NUGGC: variants seen among roughly 807,000 people sequenced by gnomAD.
NUGGC encodes the protein nuclear GTPase, germinal center associated.
A neutral mutation model predicts 92.6 loss-of-function variants in NUGGC; 58 were observed. The observed-to-expected ratio is 0.63, with a 90% CI of 0.51 to 0.78. The LOEUF (loss-of-function observed/expected upper bound fraction) is 0.78. NUGGC is among the 30% of genes least tolerant of loss of function. NUGGC has a pLI of 0.00. For missense variants in NUGGC, 925 were observed against 964.6 expected (o/e 0.96, Z 0.54); for synonymous variants, 376 against 366.4 (o/e 1.03, Z -0.30).
chr8:28,030,103 C>A (rs1422693517), intron 16 of NUGGC, among the ~76,000 whole-genome samples: 1 of 152,058 alleles, frequency 6.6e-6, no homozygotes, highest in Non-Finnish European at 1.5e-5. Flanking sequence ...GGTGTCTGGA[C>A]CAAGGGTAGA....
intron 2 of NUGGC, among the ~76,000 whole-genome samples, chr8:28,072,860 G>C (rs1235901974): frequency 1.3e-5 from 2 of 151,990 alleles, no homozygotes; most frequent in Non-Finnish European, 2.9e-5. Context: ...TCTCCACCGA[G>C]AAACCAGCTG....
At chr8:28,057,330 C>CTTTTTTTTTTTTTTTTTTT (rs57167648) in intron 9 of NUGGC, among the ~76,000 whole-genome samples, 5 of 124,016 alleles carry the variant, frequency 4.0e-5, no homozygotes, top group Non-Finnish European at 4.9e-5. Flanking sequence ...ATTTTCTTTC[C>CTTTTTTTTTTTTTTTTTTT]TTTTTTTTTT....
intron 8 of NUGGC, among the ~76,000 whole-genome samples, chr8:28,058,867 CA>C (rs1262725754): frequency 6.6e-5 from 10 of 151,892 alleles, no homozygotes; most frequent in African/African-American, 2.4e-4. Flanking sequence ...CACGCCCGGC[CA>C]ATTTATTTTG....
intron 1 of NUGGC, among the ~76,000 whole-genome samples, chr8:28,074,834 G>A (rs34985831): frequency 0.17 from 26,152 of 152,122 alleles, 2,401 homozygotes; most frequent in African/African-American, 0.22. Flanking sequence ...AGCTACTGGG[G>A]AGGCTGAGGC....
Position 28,027,002 on chromosome 8 carries a change from A to C in NUGGC, c.2205T>G (p.Leu735=), listed in dbSNP as rs368098648. The C allele has an allele frequency of 6.2e-6, 10 of 1,613,792 alleles. No homozygotes were observed. The highest frequency in any genetic ancestry group is 2.7e-5 in the African/African-American group (2 of 74,922). The change falls in exon 18 of 19, where the codon CTT becomes CTG. Residue 735 remains leucine, a synonymous_variant. Transcript: ENST00000413272. The part of the protein sequence containing the change: ...VKGSITTMLA[L]ASSQGDGLYK... Reference sequence around the variant, plus strand: ...AGAGGCCATCCCCCTGGGACGAAGCAAGGGCCAGCATAGTGGTGATGCTGC... The same window carrying C: ...AGAGGCCATCCCCCTGGGACGAAGCCAGGGCCAGCATAGTGGTGATGCTGC...
chr8:28,081,631 C>T (rs760407644), intron 1 of NUGGC, among the ~76,000 whole-genome samples: 5 of 152,130 alleles, frequency 3.3e-5, no homozygotes, highest in African/African-American at 4.8e-5. Flanking sequence ...GTAATCCCAA[C>T]ATTTTGGGAG....
At chr8:28,060,711 C>G (rs890076937) in intron 7 of NUGGC, 110 bp from the exon 8 acceptor site, 6 of 826,558 alleles carry the variant, frequency 7.3e-6, no homozygotes, top group Non-Finnish European at 9.3e-6. Context: ...CACCCCTCAC[C>G]GCTCCCCACC....
At chr8:28,079,613 G>T (rs1396463138) in intron 1 of NUGGC, among the ~76,000 whole-genome samples, 1 of 152,182 alleles carries the variant, frequency 6.6e-6, no homozygotes, top group Non-Finnish European at 1.5e-5. Flanking sequence ...CTTGTCCAAG[G>T]TCACATAGTA....
At chr8:28,024,803 C>T (rs1809215125) in intron 18 of NUGGC, among the ~76,000 whole-genome samples, 2 of 152,202 alleles carry the variant, frequency 1.3e-5, no homozygotes, top group South Asian at 4.1e-4. Context: ...ACCTTTGAGG[C>T]TTCCCCCAGG....
In NUGGC at chr8:28,068,235, AT is replaced by A; in HGVS notation, c.460del (p.Ile154SerfsTer13). Reference protein sequence around the residue: ...SGCCVQYEAKIHLLSDQEWRE... With the variant: ...SGCCVQYEAKXHLLSDQEWRE... ...ACTTACCTGGTCAGACAGAAGGTGG[AT>A]TTTGGCCTCATACTGCACACAGCAG... On this transcript the variant is annotated frameshift_variant, in exon 5 of 19. Transcript: ENST00000413272. LOFTEE classifies it high-confidence loss of function. The A allele has an allele frequency of 6.5e-7, 1 of 1,549,598 alleles. No individual in the cohort carries two copies. Among genetic ancestry groups the A allele is most frequent in the Non-Finnish European group, 8.7e-7 (1 of 1,146,312 alleles).
At chr8:28,050,823 A>AT (rs929537151) in intron 10 of NUGGC, among the ~76,000 whole-genome samples, 17 of 152,106 alleles carry the variant, frequency 1.1e-4, no homozygotes, top group African/African-American at 4.1e-4. Context: ...AAAAAAAAAA[A>AT]AATCATGACC....
rs760357646 is a variant in NUGGC at position 28,029,376 on chromosome 8, CT to C, written c.2043del (p.Ala682ArgfsTer5). On this transcript the variant is annotated frameshift_variant, in exon 17 of 19. Coordinates refer to ENST00000413272, the MANE Select transcript of NUGGC (RefSeq NM_001010906.2). LOFTEE classifies it high-confidence loss of function. ...YEEAAQITGKKACERMKDAIR... is the reference protein window; with the variant it reads ...YEEAAQITGKXACERMKDAIR... ...ATGGCATCTTTCATCCGCTCACACG[CT>C]TTTTTGCCCGTGATCTGAGCTGCCT... 9 of 1,612,558 alleles carry C rather than the reference CT, an allele frequency of 5.6e-6. No individual in the cohort carries two copies. In the South Asian group the frequency reaches 8.8e-5, roughly 16 times the overall value.
At chr8:28,054,477 G>C (rs1563223300) in intron 10 of NUGGC, among the ~76,000 whole-genome samples, 2 of 151,126 alleles carry the variant, frequency 1.3e-5, no homozygotes, top group Non-Finnish European at 2.9e-5. Flanking sequence ...GCGCAACTCT[G>C]TCTCAAAATA....
chr8:28,027,198 G>T, intron 17 of NUGGC, 146 bp from the exon 18 acceptor site: 2 of 653,234 alleles, frequency 3.1e-6, no homozygotes, highest in Non-Finnish European at 5.5e-6. Context: ...GTTGCAAAAC[G>T]GTGAAACATT....
At chr8:28,063,433 G>A (rs192984123) in intron 7 of NUGGC, among the ~76,000 whole-genome samples, 2 of 152,282 alleles carry the variant, frequency 1.3e-5, no homozygotes, top group African/African-American at 4.8e-5. Flanking sequence ...GCCAAGATTC[G>A]CGATTTCCAC....
At position 28,023,175 on chromosome 8, in the gene NUGGC, C is replaced by T. The variant is rs1290982887; in HGVS notation, c.*142G>A. Reference sequence around the variant, plus strand: ...ATCGCTTGAGCCTAGGAGTTCGAGGCTGCAGTGAGCTGTGATGGTGCCACT... The same window carrying T: ...ATCGCTTGAGCCTAGGAGTTCGAGGTTGCAGTGAGCTGTGATGGTGCCACT... On this transcript the variant is annotated 3_prime_UTR_variant, in exon 19 of 19. Coordinates refer to ENST00000413272, the MANE Select transcript of NUGGC (RefSeq NM_001010906.2). 4 of 865,442 alleles carry T rather than the reference C, an allele frequency of 4.6e-6. No individual in the cohort carries two copies. Among genetic ancestry groups the T allele is most frequent in the Middle Eastern group, 3.5e-4 (1 of 2,860 alleles). 53.6% of individuals were successfully genotyped at this position (865,442 alleles called of 1,614,324 possible).
chr8:28,039,938 G>C (rs1809650541), intron 13 of NUGGC, among the ~76,000 whole-genome samples: 2 of 152,170 alleles, frequency 1.3e-5, no homozygotes, highest in African/African-American at 4.8e-5. Context: ...GTGGGGCCCT[G>C]ATCTGACAGG....
chr8:28,023,666 C>T (rs1809176691), intron 18 of NUGGC, among the ~76,000 whole-genome samples: 2 of 152,154 alleles, frequency 1.3e-5, no homozygotes, highest in African/African-American at 4.8e-5. Flanking sequence ...AAACCCAAAC[C>T]TACCCATAAG....
chr8:28,072,163 C>T (rs889667622), intron 2 of NUGGC, among the ~76,000 whole-genome samples: 2 of 152,238 alleles, frequency 1.3e-5, no homozygotes, highest in African/African-American at 2.4e-5. Flanking sequence ...GCTCAAGCCA[C>T]AACTGAGAGT....
Sources: gnomAD v4.1 joint callset for allele counts (sites outside exome capture counted in the v4.1 genomes callset) on GRCh38, gnomAD v4.1.1 for gene constraint, MANE v1.5 for transcripts, NCBI Gene and HGNC (gene_info 2026-07-23, HGNC 2026-07-21) for gene names.